The following CSMD1 variants were observed in gnomAD, a reference collection of about 807,000 sequenced individuals.
The protein encoded by CSMD1 is CUB and Sushi multiple domains 1.
In CSMD1, 213 loss-of-function variants were observed where a neutral mutation model predicts 417.5. The ratio of observed to expected loss-of-function variants is 0.51; its 90% CI spans 0.46 to 0.57. The LOEUF (loss-of-function observed/expected upper bound fraction) is 0.57. CSMD1 is among the 20% of genes least tolerant of loss of function. The pLI is 0.00. For missense variants in CSMD1, 6,923 were observed against 4,529.7 expected (o/e 1.53, Z -15.17); for synonymous variants, 2,862 against 1,736.8 (o/e 1.65, Z -16.11).
At chr8:4,640,372 T>G (rs1294255209) in intron 1 of CSMD1, among the ~76,000 whole-genome samples, 1 of 152,236 alleles carries the variant, frequency 6.6e-6, no homozygotes, top group Non-Finnish European at 1.5e-5. Context: ...AACTTAATAC[T>G]GCATCTTATT....
At chr8:4,651,480 T>C (rs533697578) in intron 1 of CSMD1, among the ~76,000 whole-genome samples, 8 of 152,244 alleles carry the variant, frequency 5.3e-5, no homozygotes, top group African/African-American at 1.7e-4. Context: ...GGGGGAGGAA[T>C]TGAACAAACA....
chr8:3,000,452 A>C (rs1281643860), intron 52 of CSMD1, among the ~76,000 whole-genome samples: 1 of 152,078 alleles, frequency 6.6e-6, no homozygotes, highest in Non-Finnish European at 1.5e-5. Flanking sequence ...TTTCAAAACA[A>C]AGCAAAAAGT....
chr8:3,397,733 G>A (rs576241893), intron 16 of CSMD1, among the ~76,000 whole-genome samples: 34 of 152,288 alleles, frequency 2.2e-4, no homozygotes, highest in Admixed American at 2.0e-3. Context: ...TAGTAACAGT[G>A]AGGACTGACA....
intron 26 of CSMD1, among the ~76,000 whole-genome samples, chr8:3,235,749 G>A (rs1163650470): frequency 1.3e-5 from 2 of 151,980 alleles, no homozygotes; most frequent in Admixed American, 6.6e-5. Flanking sequence ...ATTTTTGAAA[G>A]TACCTTTTGT....
chr8:3,950,415 G>A (rs1811525265), intron 5 of CSMD1, among the ~76,000 whole-genome samples: 1 of 152,210 alleles, frequency 6.6e-6, no homozygotes, highest in Non-Finnish European at 1.5e-5. Context: ...GTCAATGTAA[G>A]TAGCAGAAGA....
chr8:4,473,936 C>G (rs1800665488), intron 2 of CSMD1, among the ~76,000 whole-genome samples: 2 of 151,996 alleles, frequency 1.3e-5, no homozygotes, highest in African/African-American at 4.8e-5. Flanking sequence ...AATATTAAAG[C>G]AAATGGTTTT....
At chr8:4,502,982 C>A (rs1802334772) in intron 2 of CSMD1, among the ~76,000 whole-genome samples, 1 of 152,054 alleles carries the variant, frequency 6.6e-6, no homozygotes, top group African/African-American at 2.4e-5. Context: ...GCCTGAAAAT[C>A]AATATTTTCT....
chr8:4,507,564 C>T (rs568790910), intron 2 of CSMD1, among the ~76,000 whole-genome samples: 2 of 152,266 alleles, frequency 1.3e-5, no homozygotes, highest in East Asian at 1.9e-4. Flanking sequence ...TATGCATGGA[C>T]ATGCATGTTA....
intron 3 of CSMD1, among the ~76,000 whole-genome samples, chr8:4,163,708 T>A (rs1326735790): frequency 6.6e-6 from 1 of 152,186 alleles, no homozygotes; most frequent in African/African-American, 2.4e-5. Flanking sequence ...AATTTTTTTA[T>A]GGTGGATGTG....
chr8:3,712,053 C>T lies in CSMD1; in HGVS notation c.932-3562G>A, dbSNP rs560738954. On this transcript the variant is annotated intron_variant, in intron 6 of 69. Transcript: ENST00000635120. ...AACAAGTGTTTGATGCTCTGTAAAG[C>T]TACGTCTCCACTAGGGAATATATGT... Among the ~76,000 whole-genome samples the T allele has an allele frequency of 2.3e-4, 35 of 152,290 alleles. 1 individual carries two copies. Among genetic ancestry groups the T allele is most frequent in the African/African-American group, 7.9e-4 (33 of 41,554 alleles).
intron 3 of CSMD1, among the ~76,000 whole-genome samples, chr8:4,228,969 G>A (rs1173803387): frequency 6.6e-6 from 1 of 152,018 alleles, no homozygotes; most frequent in Admixed American, 6.6e-5. Flanking sequence ...GCCAAGCCAG[G>A]ACCCCTGATT....
intron 5 of CSMD1, among the ~76,000 whole-genome samples, chr8:3,977,444 G>A (rs1466474810): frequency 6.6e-6 from 1 of 152,046 alleles, no homozygotes; most frequent in East Asian, 1.9e-4. Context: ...TGTTCTCTGA[G>A]TTGTTTTGGA....
chr8:3,818,464 C>G (rs981172049), intron 5 of CSMD1, among the ~76,000 whole-genome samples: 22 of 152,302 alleles, frequency 1.4e-4, no homozygotes, highest in South Asian at 4.1e-4. Flanking sequence ...ATCCAGTGAG[C>G]TCAATGCATG....
intron 7 of CSMD1, among the ~76,000 whole-genome samples, chr8:3,639,808 G>C (rs1200574059): frequency 6.6e-6 from 1 of 152,072 alleles, no homozygotes; most frequent in African/African-American, 2.4e-5. Context: ...TTTTGGTTCA[G>C]GGCAATGGAC....
chr8:4,637,308 G>C (rs745418607), intron 2 of CSMD1, 34 bp downstream of exon 2: 1 of 1,475,710 alleles, frequency 6.8e-7, no homozygotes, highest in South Asian at 1.1e-5. Context: ...TATTCAAACA[G>C]TGCTAACTGT....
chr8:4,235,736 T>C (rs1014272426), intron 3 of CSMD1, among the ~76,000 whole-genome samples: 4 of 152,300 alleles, frequency 2.6e-5, no homozygotes, highest in African/African-American at 9.6e-5. Flanking sequence ...CACATGCAAG[T>C]GTAATGAGGA....
Position 3,449,907 on chromosome 8 carries a change from G to A in CSMD1, c.1561+18805C>T, listed in dbSNP as rs1563401654. ...AATTATTTCAGACATTTAAACATTA[G>A]GACATTTAAGAAAAACTATTGCTCC... On this transcript the variant is annotated intron_variant, in intron 12 of 69. Coordinates refer to ENST00000635120, the MANE Select transcript of CSMD1 (RefSeq NM_033225.6). Among the ~76,000 whole-genome samples the A allele has an allele frequency of 3.3e-5, 5 of 152,140 alleles. No homozygotes were observed. In the South Asian group the frequency reaches 1.0e-3, roughly 31 times the overall value.
At chr8:4,048,236 C>A (rs186262556) in intron 3 of CSMD1, among the ~76,000 whole-genome samples, 3 of 152,238 alleles carry the variant, frequency 2.0e-5, no homozygotes, top group East Asian at 3.9e-4. Context: ...TTATTAGTCA[C>A]TGAGATTAGA....
At chr8:3,976,163 G>A (rs898378400) in intron 5 of CSMD1, among the ~76,000 whole-genome samples, 4 of 151,498 alleles carry the variant, frequency 2.6e-5, no homozygotes, top group Admixed American at 6.6e-5. Context: ...CATAACCTAA[G>A]GTTTCAAATA....
Sources: allele counts gnomAD v4.1 joint callset (sites outside exome capture counted in the v4.1 genomes callset), GRCh38; gene constraint gnomAD v4.1.1; transcripts MANE v1.5; gene names NCBI Gene and HGNC (gene_info 2026-07-23, HGNC 2026-07-21).